The following CBL variants were observed in gnomAD, a reference collection of about 807,000 sequenced individuals.
CBL encodes the protein E3 ubiquitin-protein ligase CBL.
CBL carries 45 observed loss-of-function variants against 96.9 expected under a neutral mutation model. The observed-to-expected ratio is 0.46, with a 90% CI of 0.37 to 0.60. CBL has a LOEUF of 0.60. Among genes scored for constraint, CBL ranks in the 20% least tolerant of loss-of-function variants. The probability of loss-of-function intolerance (pLI) is 0.00; values close to 1 mark genes in which losing one functional copy is unlikely to be tolerated. For missense variants in CBL, 1,024 were observed against 1,143.5 expected (o/e 0.90, Z 1.51); for synonymous variants, 420 against 426.8 (o/e 0.98, Z 0.20).
At chr11:119,280,871 T>C (rs1949928599) in intron 9 of CBL, among the ~76,000 whole-genome samples, 2 of 152,210 alleles carry the variant, frequency 1.3e-5, no homozygotes, top group African/African-American at 4.8e-5. Context: ...TTTGGCTTAG[T>C]ACTAGTGTTT....
At chr11:119,259,076 C>G (rs576026519) in intron 2 of CBL, among the ~76,000 whole-genome samples, 3 of 152,230 alleles carry the variant, frequency 2.0e-5, no homozygotes, top group African/African-American at 7.2e-5. Flanking sequence ...TGATTTGATT[C>G]TCAGGTTGGT....
intron 2 of CBL, among the ~76,000 whole-genome samples, chr11:119,258,569 A>C (rs1412382531): frequency 6.6e-6 from 1 of 152,186 alleles, no homozygotes; most frequent in Non-Finnish European, 1.5e-5. Context: ...CATCTCCAGC[A>C]CTGGGGGATT....
At position 119,307,492 on chromosome 11, in the gene CBL, A is replaced by G. The variant is rs1038433938; in HGVS notation, c.*7711A>G. 2 of 232,562 alleles carry G rather than the reference A, an allele frequency of 8.6e-6. No individual in the cohort carries two copies. The highest frequency in any genetic ancestry group is 1.7e-5 in the Non-Finnish European group (2 of 117,364). The allele number at this position is 232,562 out of a possible 1,614,324, so 14.4% of individuals were successfully genotyped here. A position where few individuals can be genotyped will look rare whatever the true frequency, so the allele number is the denominator to read the frequency against. On this transcript the variant is annotated 3_prime_UTR_variant, in exon 16 of 16. Coordinates refer to ENST00000264033, the MANE Select transcript of CBL (RefSeq NM_005188.4). ...TTTCATTTGAAGGCTTCAGACTTAAAGCATTAAGCAGCTAGTGCCCTCTGC... is the reference window on the plus strand; with the variant it reads ...TTTCATTTGAAGGCTTCAGACTTAAGGCATTAAGCAGCTAGTGCCCTCTGC...
Position 119,303,248 on chromosome 11 carries a change from T to C in CBL, c.*3467T>C. On this transcript the variant is annotated 3_prime_UTR_variant, in exon 16 of 16. Transcript: ENST00000264033. ...ACCTCACGTCATTAAAGTCAGAAGA[T>C]TATAGACCTTCTCAAACTATAAGTC... 4.3e-6 allele frequency: 1 copy of C among 232,086 alleles called. No individual in the cohort carries two copies. The highest frequency in any genetic ancestry group is 8.5e-6 in the Non-Finnish European group (1 of 117,050). The allele number at this position is 232,086 out of a possible 1,614,324, so 14.4% of individuals were successfully genotyped here.
intron 12 of CBL, among the ~76,000 whole-genome samples, chr11:119,296,244 T>G (rs898961231): frequency 4.0e-5 from 6 of 151,838 alleles, no homozygotes; most frequent in Admixed American, 1.3e-4. Context: ...AAGAAGTAGG[T>G]TTTTGTGTGT....
intron 2 of CBL, among the ~76,000 whole-genome samples, chr11:119,253,450 CAAAAA>C (rs66912490): frequency 1.2e-5 from 1 of 85,036 alleles, no homozygotes. Flanking sequence ...GACCTCATCT[CAAAAA>C]AAAAAAAAAA....
At chr11:119,289,555 T>TG (rs924674244) in intron 12 of CBL, 12 of 152,110 alleles carry the variant, frequency 7.9e-5, no homozygotes, top group African/African-American at 2.4e-4. Context: ...CTATTTTTTT[T>TG]TTTTTTTGTA....
chr11:119,250,453 ACT>A (rs1364506798), intron 2 of CBL, among the ~76,000 whole-genome samples: 1 of 152,040 alleles, frequency 6.6e-6, no homozygotes, highest in Non-Finnish European at 1.5e-5. Flanking sequence ...TGTATTTTGC[ACT>A]GTGAACTCCA....
intron 1 of CBL, among the ~76,000 whole-genome samples, chr11:119,222,355 G>T (rs1326789398): frequency 1.3e-5 from 2 of 152,130 alleles, no homozygotes; most frequent in Non-Finnish European, 2.9e-5. Flanking sequence ...TCTTTATTGT[G>T]ATCATAACAC....
chr11:119,296,304 G>A (rs900178558), intron 12 of CBL, among the ~76,000 whole-genome samples: 1 of 152,096 alleles, frequency 6.6e-6, no homozygotes, highest in Non-Finnish European at 1.5e-5. Context: ...TTTCTTGGGA[G>A]TTTTTTCATT....
In CBL at chr11:119,285,426, T is replaced by A. The variant is rs1271364778; in HGVS notation, c.1801T>A (p.Ser601Thr). The change falls in exon 11 of 16, where the codon TCT becomes ACT. Residue 601 changes from serine (S) to threonine (T), a missense_variant. By Grantham distance (58) the Ser-to-Thr change is moderately conservative. Coordinates refer to ENST00000264033, the MANE Select transcript of CBL (RefSeq NM_005188.4). ...LPRPIPKVPV[S>T]APSSSDPWTG... ...CCGGCCAATCCCCAAAGTACCAGTA[T>A]CTGCCCCAAGTTCCAGTGATCCCTG... The A allele has an allele frequency of 6.2e-7, 1 of 1,614,168 alleles. No individual in the cohort carries two copies. The highest frequency in any genetic ancestry group is 8.5e-7 in the Non-Finnish European group (1 of 1,180,036).
intron 13 of CBL, 34 bp from the exon 14 acceptor site, chr11:119,297,350 C>G: frequency 1.3e-6 from 2 of 1,490,624 alleles, no homozygotes; most frequent in Non-Finnish European, 1.9e-6. Context: ...GTTCTATTTC[C>G]AAAGATCATT....
At chr11:119,211,996 T>C (rs7482092) in intron 1 of CBL, among the ~76,000 whole-genome samples, 49,947 of 152,006 alleles carry the variant, frequency 0.33, 8,731 homozygotes, top group South Asian at 0.59. Context: ...CTCGGCTCAC[T>C]GCAGCCCCTG....
At chr11:119,296,455 ATC>A (rs915829759) in intron 12 of CBL, among the ~76,000 whole-genome samples, 4 of 151,832 alleles carry the variant, frequency 2.6e-5, no homozygotes, top group African/African-American at 9.7e-5. Context: ...CGGTCGCTTT[ATC>A]TCTCTCTATT....
intron 2 of CBL, among the ~76,000 whole-genome samples, chr11:119,249,544 T>C (rs546440028): frequency 9.2e-6 from 1 of 108,978 alleles, no homozygotes; most frequent in African/African-American, 4.3e-5. Flanking sequence ...AGAGTGAGAC[T>C]CGGTCTCAAA....
intron 1 of CBL, among the ~76,000 whole-genome samples, chr11:119,227,739 A>G (rs1381515694): frequency 2.0e-5 from 3 of 152,050 alleles, no homozygotes; most frequent in Admixed American, 1.3e-4. Flanking sequence ...TATTCCAGAC[A>G]GGATTTCTCC....
intron 6 of CBL, 121 bp downstream of exon 6, chr11:119,276,255 CAG>C: frequency 9.6e-7 from 1 of 1,036,538 alleles, no homozygotes; most frequent in Non-Finnish European, 1.5e-6. Context: ...AAAATATTAA[CAG>C]ATGATATTGA....
At chr11:119,209,443 T>C (rs1949299834) in intron 1 of CBL, among the ~76,000 whole-genome samples, 1 of 152,072 alleles carries the variant, frequency 6.6e-6, no homozygotes, top group Non-Finnish European at 1.5e-5. Flanking sequence ...CATGGTGAAA[T>C]GCTGCCTCTA....
chr11:119,224,796 A>T (rs1949442537), intron 1 of CBL, among the ~76,000 whole-genome samples: 1 of 151,930 alleles, frequency 6.6e-6, no homozygotes, highest in African/African-American at 2.4e-5. Context: ...GTGGAAGTGG[A>T]TCTTCATCCT....
Sources: gnomAD v4.1 joint callset for allele counts (sites outside exome capture counted in the v4.1 genomes callset) on GRCh38, gnomAD v4.1.1 for gene constraint, MANE v1.5 for transcripts, NCBI Gene and HGNC (gene_info 2026-07-23, HGNC 2026-07-21) for gene names.